The following FAM81A variants were observed in gnomAD, a reference collection of about 807,000 sequenced individuals.
FAM81A encodes the protein family with sequence similarity 81 member A.
A neutral mutation model predicts 46.7 loss-of-function variants in FAM81A; 19 were observed. The ratio of observed to expected loss-of-function variants is 0.41; its 90% CI spans 0.28 to 0.60. The LOEUF is 0.60. FAM81A is among the 20% of genes least tolerant of loss of function. FAM81A has a pLI of 0.34. For synonymous variants in FAM81A, 183 were observed against 152.9 expected, an observed-to-expected ratio of 1.20 and a Z score of -1.45; for missense variants, 377 against 453.5, an observed-to-expected ratio of 0.83 and a Z score of 1.53.
At chr15:59,478,471 G>A (rs370213714) in intron 3 of FAM81A, among the ~76,000 whole-genome samples, 4 of 152,114 alleles carry the variant, frequency 2.6e-5, no homozygotes, top group East Asian at 1.9e-4. Context: ...ACATGTAGTC[G>A]GACTAACATA....
At chr15:59,436,609 A>T (rs1341785421), upstream of FAM81A, among the ~76,000 whole-genome samples, 1 of 152,170 alleles carries the variant, frequency 6.6e-6, no homozygotes, top group Non-Finnish European at 1.5e-5. Context: ...CTGCTAACAC[A>T]TGCACACCTT....
At chr15:59,497,947 C>G (rs1353800993) in intron 4 of FAM81A, among the ~76,000 whole-genome samples, 2 of 152,200 alleles carry the variant, frequency 1.3e-5, no homozygotes, top group African/African-American at 2.4e-5. Context: ...AGTTTGAACT[C>G]TTGGGCTCAA....
intron 8 of FAM81A, among the ~76,000 whole-genome samples, chr15:59,519,935 GAT>G (rs1251517642): frequency 6.6e-6 from 1 of 152,112 alleles, no homozygotes. Context: ...CCAGTAGTGA[GAT>G]TGCTGGGTCG....
At chr15:59,504,406 A>C (rs1301924712) in intron 4 of FAM81A, among the ~76,000 whole-genome samples, 1 of 152,236 alleles carries the variant, frequency 6.6e-6, no homozygotes, top group East Asian at 1.9e-4. Context: ...GCAATAAATA[A>C]AACTAGGGTT....
intron 3 of FAM81A, among the ~76,000 whole-genome samples, chr15:59,476,225 A>G (rs932167736): frequency 1.1e-4 from 16 of 141,034 alleles, no homozygotes; most frequent in Non-Finnish European, 2.2e-4. Context: ...TTAACCTACA[A>G]TTTTTTTTTT....
chr15:59,483,043 A>ATT (rs879290904), intron 3 of FAM81A, among the ~76,000 whole-genome samples: 1 of 145,966 alleles, frequency 6.9e-6, no homozygotes. Context: ...TTTCTGGTGA[A>ATT]TTTTTTTTTT....
chr15:59,507,732 G>C (rs139554433), intron 5 of FAM81A, among the ~76,000 whole-genome samples: 1 of 152,172 alleles, frequency 6.6e-6, no homozygotes, highest in Non-Finnish European at 1.5e-5. Flanking sequence ...CTCATTGTAT[G>C]TACTACCTCA....
In FAM81A at chr15:59,399,616, AT is replaced by A. The variant is rs1266364739; in HGVS notation, c.-160-2659del. ...GGTGTTTCTGGTGAGGGGGCAGCAC[AT>A]GTGAGGCCACAAGAATGAAGAAGTG... On this transcript the variant is annotated intron_variant, in intron 1 of 4. Transcript: ENST00000558348. Among the ~76,000 whole-genome samples the A allele has an allele frequency of 2.6e-5, 4 of 152,182 alleles. No homozygotes were observed. The East Asian group carries it at 7.7e-4, about 29-fold the overall frequency.
At chr15:59,409,145 A>T (rs973792875) in intron 2 of FAM81A, 3 of 152,174 alleles carry the variant, frequency 2.0e-5, no homozygotes, top group African/African-American at 7.2e-5. Context: ...TGATACTCCT[A>T]TTCCCTCCTC....
chr15:59,405,340 C>G (rs565564143), intron 2 of FAM81A, among the ~76,000 whole-genome samples: 3 of 152,114 alleles, frequency 2.0e-5, no homozygotes, highest in East Asian at 3.9e-4. Context: ...AACCGTATGC[C>G]TCTTTCCGCT....
intron 4 of FAM81A, among the ~76,000 whole-genome samples, chr15:59,504,765 G>A (rs1217350887): frequency 6.6e-6 from 1 of 152,154 alleles, no homozygotes; most frequent in Non-Finnish European, 1.5e-5. Context: ...ATACTTAGAA[G>A]ATGTTTCTCC....
chr15:59,439,535 G>T (rs1335069177), intron 1 of FAM81A, among the ~76,000 whole-genome samples: 1 of 152,114 alleles, frequency 6.6e-6, no homozygotes, highest in Non-Finnish European at 1.5e-5. Flanking sequence ...AATGGAGGAC[G>T]TACCCTCTCA....
chr15:59,402,861 C>T (rs1196588179), intron 2 of FAM81A, among the ~76,000 whole-genome samples: 1 of 152,140 alleles, frequency 6.6e-6, no homozygotes, highest in African/African-American at 2.4e-5. Context: ...GCCTCTATTC[C>T]TTTTACAATA....
chr15:59,479,519 G>GAAAAAAAAAAAAAAAAAAAAAAAAAA (rs57107735), intron 3 of FAM81A, among the ~76,000 whole-genome samples: 5 of 72,676 alleles, frequency 6.9e-5, no homozygotes, highest in Non-Finnish European at 9.8e-5. Context: ...TCAAAAATAA[G>GAAAAAAAAAAAAAAAAAAAAAAAAAA]AAAAAAAAAA....
intron 6 of FAM81A, among the ~76,000 whole-genome samples, chr15:59,512,471 CAAAAAAAAAAAAAAA>C (rs766904849): frequency 7.3e-5 from 1 of 13,666 alleles, no homozygotes; most frequent in African/African-American, 1.7e-4. Flanking sequence ...AACTCCATCT[CAAAAAAAAAAAAAAA>C]AAAAAAAAAA....
chr15:59,493,665 G>T (rs1464772559), intron 4 of FAM81A, among the ~76,000 whole-genome samples: 2 of 152,038 alleles, frequency 1.3e-5, no homozygotes, highest in Non-Finnish European at 2.9e-5. Flanking sequence ...TCGGCTCACT[G>T]CAACCTCCGC....
At chr15:59,474,229 A>G (rs201335862) in intron 3 of FAM81A, among the ~76,000 whole-genome samples, 1 of 152,220 alleles carries the variant, frequency 6.6e-6, no homozygotes, top group Non-Finnish European at 1.5e-5. Context: ...GTCTAGTACA[A>G]TATTTGGAGC....
At chr15:59,500,444 T>C (rs771385463) in intron 4 of FAM81A, among the ~76,000 whole-genome samples, 18 of 151,880 alleles carry the variant, frequency 1.2e-4, no homozygotes, top group Non-Finnish European at 2.4e-4. Flanking sequence ...ACTGTAGGCA[T>C]GCATCACCAT....
intron 4 of FAM81A, among the ~76,000 whole-genome samples, chr15:59,502,485 CTG>C (rs71119478): frequency 0.048 from 6,677 of 138,154 alleles, 210 homozygotes; most frequent in African/African-American, 0.091. Context: ...GTTGACTTCA[CTG>C]TGTGTGTGTG....
Sources: allele counts gnomAD v4.1 joint callset (sites outside exome capture counted in the v4.1 genomes callset), GRCh38; gene constraint gnomAD v4.1.1; transcripts MANE v1.5; gene names NCBI Gene and HGNC (gene_info 2026-07-23, HGNC 2026-07-21).